Variants in PFKP observed in about 807,000 individuals in gnomAD.
PFKP encodes the protein ATP-dependent 6-phosphofructokinase, platelet type.
A neutral mutation model predicts 94.3 loss-of-function variants in PFKP; 101 were observed. That is an observed-to-expected ratio of 1.07 (90% confidence interval 0.91 to 1.26). The LOEUF (loss-of-function observed/expected upper bound fraction) is 1.26, where lower values mean the gene tolerates loss of function less well. Ranked by LOEUF, PFKP falls within the 50% of genes most tolerant of loss-of-function variation. PFKP has a pLI of 0.00. For missense variants in PFKP, 1,145 were observed against 1,103.3 expected (o/e 1.04, Z -0.53); for synonymous variants, 573 against 432.6 (o/e 1.32, Z -4.03).
chr10:3,133,603 G>C (rs1294250501), intron 19 of PFKP, among the ~76,000 whole-genome samples: 28 of 152,236 alleles, frequency 1.8e-4, no homozygotes. Context: ...GCTAATTTTT[G>C]TATTTTTAGT....
At chr10:3,135,924 T>A in intron 21 of PFKP, 86 bp downstream of exon 21, 2 of 811,334 alleles carry the variant, frequency 2.5e-6, no homozygotes, top group Non-Finnish European at 4.2e-6. Flanking sequence ...TGTCGGCAAC[T>A]CATTCAGGGG....
chr10:3,089,855 C>A (rs1013144369), intron 2 of PFKP, among the ~76,000 whole-genome samples: 4 of 152,094 alleles, frequency 2.6e-5, no homozygotes, highest in Non-Finnish European at 5.9e-5. Flanking sequence ...AACCATCCTT[C>A]TTTACACCCC....
At chr10:3,132,189 A>T (rs1434046402) in intron 17 of PFKP, among the ~76,000 whole-genome samples, 191 bp from the exon 18 acceptor site, 2 of 152,198 alleles carry the variant, frequency 1.3e-5, no homozygotes, top group Non-Finnish European at 2.9e-5. Flanking sequence ...CCCTGTCCTC[A>T]GCGTTCATCG....
At chr10:3,112,194 TTTC>T (rs1448894413) in intron 10 of PFKP, 25 bp from the exon 11 acceptor site, 2 of 1,595,614 alleles carry the variant, frequency 1.3e-6, no homozygotes, top group Admixed American at 3.3e-5. Flanking sequence ...TGACACATTC[TTTC>T]TTCTTTTCAT....
At position 3,099,367 on chromosome 10, in the gene PFKP, G is replaced by A; in HGVS notation, c.264+15G>A. On this transcript the variant is annotated intron_variant, in intron 3 of 21. Transcript: ENST00000381125. ...TCCTGCAAGTGGTAGGTACTGGGCTGCGTCCACAGGGTTCTCTGAGTTAGA... is the reference window on the plus strand; with the variant it reads ...TCCTGCAAGTGGTAGGTACTGGGCTACGTCCACAGGGTTCTCTGAGTTAGA... The A allele has an allele frequency of 6.2e-7, 1 of 1,601,686 alleles. No homozygotes were observed. The highest frequency in any genetic ancestry group is 8.6e-7 in the Non-Finnish European group (1 of 1,169,092).
intron 20 of PFKP, among the ~76,000 whole-genome samples, chr10:3,135,292 T>C (rs937876474): frequency 1.3e-5 from 2 of 152,156 alleles, no homozygotes; most frequent in African/African-American, 2.4e-5. Flanking sequence ...TGACAGTCTA[T>C]AAAAACCAGT....
chr10:3,087,992 T>C (rs74883315), intron 2 of PFKP, among the ~76,000 whole-genome samples: 1 of 149,816 alleles, frequency 6.7e-6, no homozygotes, highest in East Asian at 1.9e-4. Context: ...TTCTTTTTTT[T>C]TTTTTTTTTT....
At position 3,136,694 on chromosome 10, in the gene PFKP, A is replaced by G; in HGVS notation, c.*115A>G. The G allele has an allele frequency of 2.6e-6, 3 of 1,142,600 alleles. No homozygotes were observed. The highest frequency in any genetic ancestry group is 2.5e-6 in the Non-Finnish European group (2 of 803,288). The allele number at this position is 1,142,600 out of a possible 1,614,324, so 70.8% of individuals were successfully genotyped here. ...TATTGACATTAATACCTAATCGGCG[A>G]GTGCCCATCTGCCCCACCTGCTCCA... On this transcript the variant is annotated 3_prime_UTR_variant, in exon 22 of 22. Transcript: ENST00000381125.
intron 2 of PFKP, among the ~76,000 whole-genome samples, chr10:3,097,175 C>T (rs1013734113): frequency 2.0e-5 from 3 of 151,388 alleles, no homozygotes; most frequent in Non-Finnish European, 4.4e-5. Context: ...TATGTATCCA[C>T]CCACCCGCCT....
intron 16 of PFKP, among the ~76,000 whole-genome samples, chr10:3,124,529 T>C (rs899051123): frequency 6.6e-6 from 1 of 152,214 alleles, no homozygotes; most frequent in Non-Finnish European, 1.5e-5. Context: ...AAACGGCAGC[T>C]TCCGCCCGGA....
rs149218700 is a variant in PFKP, at chr10:3,123,408, C to G, written c.1683+3364C>G. 5.5e-3 allele frequency among the ~76,000 whole-genome samples: 845 copies of G among 152,280 alleles called. 7 individuals are homozygous for G. Among genetic ancestry groups the G allele is most frequent in the Middle Eastern group, 0.031 (9 of 294 alleles). The stretch of plus-strand genomic sequence containing the variant: ...TCTCCCCCGTATTGAAGCTTCCCTT[C>G]CCTTTTTTGGAGACTGAAGGAAGGA... On this transcript the variant is annotated intron_variant, in intron 16 of 21. Coordinates refer to ENST00000381125, the MANE Select transcript of PFKP (RefSeq NM_002627.5).
intron 1 of PFKP, among the ~76,000 whole-genome samples, chr10:3,077,261 CTTTT>C (rs34485324): frequency 7.1e-5 from 6 of 84,260 alleles, no homozygotes; most frequent in Admixed American, 1.7e-4. Context: ...TTTTTTTTTT[CTTTT>C]TTTTTTTTTT....
chr10:3,107,310 G>A lies in PFKP; in HGVS notation c.870+1G>A, dbSNP rs1371537410. 10 of 1,566,894 alleles carry A rather than the reference G, an allele frequency of 6.4e-6. No homozygotes were observed. The highest frequency in any genetic ancestry group is 1.7e-5 in the Admixed American group (1 of 59,892). On this transcript the variant is annotated splice_donor_variant, in intron 8 of 21. Coordinates refer to ENST00000381125, the MANE Select transcript of PFKP (RefSeq NM_002627.5). LOFTEE classifies it high-confidence loss of function. ...CATCACCTCTGAGAAAATCAAAGAG[G>A]TGAGTGTGTGTAGCTGCTCACTTTC...
intron 16 of PFKP, among the ~76,000 whole-genome samples, chr10:3,127,690 G>A (rs1431959676): frequency 1.3e-5 from 2 of 152,190 alleles, no homozygotes; most frequent in African/African-American, 4.8e-5. Flanking sequence ...TTGGACCCTT[G>A]ACGGGGATCT....
intron 16 of PFKP, among the ~76,000 whole-genome samples, chr10:3,123,122 A>G (rs949373412): frequency 6.6e-6 from 1 of 152,158 alleles, no homozygotes; most frequent in Admixed American, 6.5e-5. Context: ...CTCCGGGCAG[A>G]GCAGAAGGAA....
At chr10:3,109,806 C>T (rs1398555097) in intron 10 of PFKP, among the ~76,000 whole-genome samples, 2 of 152,110 alleles carry the variant, frequency 1.3e-5, no homozygotes, top group Non-Finnish European at 2.9e-5. Flanking sequence ...CCAGGTGCTG[C>T]AGAAGGACAG....
chr10:3,079,674 G>GGGA (rs1832892219), intron 1 of PFKP, among the ~76,000 whole-genome samples: 1 of 74,446 alleles, frequency 1.3e-5, no homozygotes. Flanking sequence ...GGGGGGGGGG[G>GGGA]AAGAGGAGCA....
intron 16 of PFKP, among the ~76,000 whole-genome samples, chr10:3,128,674 C>T (rs995550838): frequency 6.6e-6 from 1 of 152,092 alleles, no homozygotes; most frequent in Non-Finnish European, 1.5e-5. Flanking sequence ...CATCCCGCTC[C>T]AGGGCCTTCA....
At position 3,082,488 on chromosome 10, in the gene PFKP, C is replaced by T. The variant is rs561863408; in HGVS notation, c.186+27C>T. The T allele has an allele frequency of 9.0e-6, 14 of 1,560,278 alleles. No individual in the cohort carries two copies. In the East Asian group the frequency reaches 9.1e-5, roughly 10 times the overall value. On this transcript the variant is annotated intron_variant, in intron 2 of 21. Transcript: ENST00000381125. Reference sequence around the variant, plus strand: ...TCAGTGTCTGCCCCTCACCCCCTGTCGCCCTTCTTCCACCTGCCCAGAGCC... The same window carrying T: ...TCAGTGTCTGCCCCTCACCCCCTGTTGCCCTTCTTCCACCTGCCCAGAGCC...
Sources: allele counts gnomAD v4.1 joint callset (sites outside exome capture counted in the v4.1 genomes callset), GRCh38; gene constraint gnomAD v4.1.1; transcripts MANE v1.5; gene names NCBI Gene and HGNC (gene_info 2026-07-23, HGNC 2026-07-21).